IL5RA: variants seen among roughly 807,000 people sequenced by gnomAD.
IL5RA encodes the protein interleukin 5 receptor subunit alpha, also known as interleukin-5 receptor subunit alpha.
IL5RA carries 49 observed loss-of-function variants against 50.0 expected under a neutral mutation model. The ratio of observed to expected loss-of-function variants is 0.98; its 90% CI spans 0.78 to 1.24. IL5RA has a LOEUF of 1.24. Ranked by LOEUF, IL5RA falls within the 50% of genes most tolerant of loss-of-function variation. IL5RA has a pLI of 0.00. For synonymous variants in IL5RA, 202 were observed against 174.0 expected (o/e 1.16, Z -1.26); for missense variants, 600 against 500.4 (o/e 1.20, Z -1.90).
intron 5 of IL5RA, among the ~76,000 whole-genome samples, chr3:3,098,859 A>G (rs1305775271): frequency 1.3e-5 from 2 of 152,170 alleles, no homozygotes; most frequent in African/African-American, 4.8e-5. Flanking sequence ...ACATGTGTGG[A>G]AGTTCAAGAG....
At position 3,098,003 on chromosome 3, in the gene IL5RA, T is replaced by G; in HGVS notation, c.576A>C (p.Arg192Ser). 6.2e-7 allele frequency: 1 copy of G among 1,614,176 alleles called. No individual in the cohort carries two copies. The highest frequency in any genetic ancestry group is 8.5e-7 in the Non-Finnish European group (1 of 1,180,042). The change falls in exon 7 of 12, where the codon AGA becomes AGC. Residue 192 changes from arginine (R) to serine (S), a missense_variant. Arg to Ser is a moderately radical substitution (Grantham distance 110, BLOSUM62 -1). Transcript: ENST00000446632. ...CQEYSKDTLG[R>S]NIACWFPRTF... is the part of the protein sequence containing the mutation. ...TCCTGGGAAACCAGCATGCGATATT[T>G]CTCCCCAGTGTGTCTTTGCTGTATT...
At chr3:3,072,253 G>A (rs1478244027) in intron 11 of IL5RA, among the ~76,000 whole-genome samples, 2 of 152,212 alleles carry the variant, frequency 1.3e-5, no homozygotes, top group Admixed American at 1.3e-4. Context: ...ACAGCACCAG[G>A]CAGTACTTCA....
At chr3:3,095,606 G>A (rs186416858) in intron 7 of IL5RA, among the ~76,000 whole-genome samples, 162 bp from the exon 8 acceptor site, 138 of 152,134 alleles carry the variant, frequency 9.1e-4, no homozygotes, top group African/African-American at 3.1e-3. Flanking sequence ...ACAGGAAGCC[G>A]GTGGCCTCCC....
At chr3:3,096,050 G>A (rs1180325847) in intron 7 of IL5RA, among the ~76,000 whole-genome samples, 5 of 152,100 alleles carry the variant, frequency 3.3e-5, no homozygotes, top group Admixed American at 6.5e-5. Flanking sequence ...AGGCCGAGGC[G>A]GGTGGATCAC....
At position 3,072,839 on chromosome 3, in the gene IL5RA, G is replaced by A. The variant is rs980530712; in HGVS notation, c.1176+1943C>T. ...AGGCAGGAGAATCACTTAAACCCGG[G>A]AGGTGGAGGTTGCAGTGAGCCGAGA... is the stretch of plus-strand genomic sequence containing the variant. On this transcript the variant is annotated intron_variant, in intron 11 of 11. Transcript: ENST00000446632. Among the ~76,000 whole-genome samples, 3 of 152,220 alleles carry A rather than the reference G, an allele frequency of 2.0e-5. No individual in the cohort carries two copies. The South Asian group carries it at 6.2e-4, about 31-fold the overall frequency.
intron 2 of IL5RA, 32 bp downstream of exon 2, chr3:3,108,518 T>C (rs162879): frequency 0.38 from 57,527 of 152,126 alleles, 11,313 homozygotes; most frequent in Admixed American, 0.44. Flanking sequence ...ATGGTGCAAT[T>C]TGTCATCTCA....
In IL5RA at chr3:3,102,703, A is replaced by G; in HGVS notation, c.200T>C (p.Val67Ala). 6.2e-7 allele frequency: 1 copy of G among 1,603,938 alleles called. No homozygotes were observed. The highest frequency in any genetic ancestry group is 1.3e-5 in the African/African-American group (1 of 74,528). Reference sequence around the variant, plus strand: ...ATCTTCTTTTGGAGCGTTTATTTTCACTTGATATTCTAGATTAACATTCCT... The same window carrying G: ...ATCTTCTTTTGGAGCGTTTATTTTCGCTTGATATTCTAGATTAACATTCCT... ...EQRNVNLEYQVKINAPKEDDY... is the reference protein window; with the variant it reads ...EQRNVNLEYQAKINAPKEDDY... Residue 67 changes from valine (V) to alanine (A), a missense_variant, in exon 4 of 12, where the codon GTG (valine) becomes GCG (alanine). Coordinates refer to ENST00000446632, the MANE Select transcript of IL5RA (RefSeq NM_175726.4).
At chr3:3,101,051 T>A (rs13090113) in intron 5 of IL5RA, among the ~76,000 whole-genome samples, 9,471 of 150,990 alleles carry the variant, frequency 0.063, 443 homozygotes, top group Admixed American at 0.13. Flanking sequence ...TGGAGGCGCA[T>A]GCCTATAATC....
chr3:3,097,620 T>C (rs887471333), intron 7 of IL5RA, among the ~76,000 whole-genome samples: 2 of 152,032 alleles, frequency 1.3e-5, no homozygotes, highest in Admixed American at 1.3e-4. Flanking sequence ...TGGCATCTAG[T>C]GTGTAGAGGC....
At chr3:3,086,603 C>T (rs1021236869) in intron 9 of IL5RA, among the ~76,000 whole-genome samples, 2 of 151,908 alleles carry the variant, frequency 1.3e-5, no homozygotes, top group African/African-American at 4.8e-5. Flanking sequence ...GAGGCTAAGG[C>T]AGGAGGATTG....
intron 2 of IL5RA, among the ~76,000 whole-genome samples, chr3:3,106,282 A>G (rs1270875738): frequency 6.6e-6 from 1 of 152,240 alleles, no homozygotes; most frequent in Non-Finnish European, 1.5e-5. Flanking sequence ...CAGTAGAACC[A>G]CAGGAGAGAC....
chr3:3,103,805 G>T (rs143895697), intron 3 of IL5RA, among the ~76,000 whole-genome samples: 1 of 151,974 alleles, frequency 6.6e-6, no homozygotes, highest in African/African-American at 2.4e-5. Context: ...TTTTCTGGGC[G>T]TATATTTATG....
rs772846125 is a variant in IL5RA at position 3,067,010 on chromosome 3, G to C, written c.*3215C>G. 7.9e-5 allele frequency: 12 copies of C among 152,234 alleles called. No individual in the cohort carries two copies. The highest frequency in any genetic ancestry group is 1.6e-4 in the Non-Finnish European group (11 of 68,050). The allele number at this position is 152,234 out of a possible 1,614,324, so 9.4% of individuals were successfully genotyped here. ...CACTCGTCCTAGTGAGAGATGGCAAGAGATGGGAGCCAATATCATGACTTT... is the reference window on the plus strand; with the variant it reads ...CACTCGTCCTAGTGAGAGATGGCAACAGATGGGAGCCAATATCATGACTTT... On this transcript the variant is annotated 3_prime_UTR_variant, in exon 12 of 12. Coordinates refer to ENST00000446632, the MANE Select transcript of IL5RA (RefSeq NM_175726.4).
rs1187648945 is a variant in IL5RA, at chr3:3,070,223, A to T, written c.*2T>A. ...GTTCATCAGAGGATGCCAAAGTGAC[A>T]GTCAAAACACAGAATCCTCCAGGGT... is the stretch of plus-strand genomic sequence containing the variant. On this transcript the variant is annotated 3_prime_UTR_variant, in exon 12 of 12. Transcript: ENST00000446632. The T allele has an allele frequency of 6.2e-7, 1 of 1,601,780 alleles. No individual in the cohort carries two copies. Among genetic ancestry groups the T allele is most frequent in the African/African-American group, 1.3e-5 (1 of 74,520 alleles).
chr3:3,084,881 C>A (rs952590647), intron 9 of IL5RA, among the ~76,000 whole-genome samples: 3 of 152,278 alleles, frequency 2.0e-5, no homozygotes, highest in African/African-American at 4.8e-5. Flanking sequence ...GGCTGGCCCC[C>A]TGACAGCATC....
chr3:3,075,664 G>A (rs570232993), intron 10 of IL5RA, among the ~76,000 whole-genome samples: 82 of 150,590 alleles, frequency 5.4e-4, no homozygotes, highest in African/African-American at 1.9e-3. Flanking sequence ...GCAATGGTAC[G>A]ATCTTGGCTC....
At position 3,092,988 on chromosome 3, in the gene IL5RA, A is replaced by G. The variant is rs1053719311; in HGVS notation, c.856-626T>C. Among the ~76,000 whole-genome samples the G allele has an allele frequency of 6.6e-6, 1 of 152,030 alleles. No individual in the cohort carries two copies. Among genetic ancestry groups the G allele is most frequent in the African/African-American group, 2.4e-5 (1 of 41,396 alleles). On this transcript the variant is annotated intron_variant, in intron 8 of 11. Coordinates refer to ENST00000446632, the MANE Select transcript of IL5RA (RefSeq NM_175726.4). The surrounding 1 kb of genome is among the most constrained non-coding windows in gnomAD (Gnocchi z 4.2). ...AGCCGCTAACTGATATCATATGTCC[A>G]TGTCGCCCCTCCCCACTCACATCCA...
rs974503677 is a variant in IL5RA at position 3,101,890 on chromosome 3, T to C, written c.229-60A>G. 5 of 1,412,760 alleles carry C rather than the reference T, an allele frequency of 3.5e-6. No homozygotes were observed. In the African/African-American group the frequency reaches 4.3e-5, roughly 12 times the overall value. 87.5% of individuals were successfully genotyped at this position (1,412,760 alleles called of 1,614,324 possible). ...AGAGAACTAGACTTAAGAGAGCTAT[T>C]TTAATCAAATATGCATTTTCTTCTA... On this transcript the variant is annotated intron_variant, in intron 4 of 11. Transcript: ENST00000446632.
At chr3:3,070,735 A>T (rs1702270270) in intron 11 of IL5RA, among the ~76,000 whole-genome samples, 1 of 151,748 alleles carries the variant, frequency 6.6e-6, no homozygotes, top group South Asian at 2.1e-4. Context: ...AGTACACACC[A>T]CCATGCCCGG....
Sources: gnomAD v4.1 joint callset for allele counts (sites outside exome capture counted in the v4.1 genomes callset) on GRCh38, gnomAD v4.1.1 for gene constraint, Gnocchi (gnomAD v3.1) non-coding constraint, MANE v1.5 for transcripts, NCBI Gene and HGNC (gene_info 2026-07-23, HGNC 2026-07-21) for gene names.